CDC37L1: variants seen among roughly 807,000 people sequenced by gnomAD.
The protein encoded by CDC37L1 is cell division cycle 37 like 1, HSP90 cochaperone, also known as hsp90 co-chaperone Cdc37-like 1.
Under a neutral mutation model 45.9 loss-of-function variants are expected in CDC37L1, and 32 were observed. The ratio of observed to expected loss-of-function variants is 0.70; its 90% confidence interval spans 0.53 to 0.94. CDC37L1 has a LOEUF of 0.94. Ranked by LOEUF, CDC37L1 falls within the 40% of genes least tolerant of loss-of-function variation. CDC37L1 has a pLI of 0.00. For synonymous variants in CDC37L1, 150 were observed against 133.0 expected, an observed-to-expected ratio of 1.13 and a Z score of -0.88; for missense variants, 434 against 405.7, an observed-to-expected ratio of 1.07 and a Z score of -0.60.
At chr9:4,684,599 C>T (rs1382373991) in intron 1 of CDC37L1, among the ~76,000 whole-genome samples, 3 of 152,144 alleles carry the variant, frequency 2.0e-5, no homozygotes, top group South Asian at 2.1e-4. Flanking sequence ...ATTAATTAAA[C>T]GTTTGTTAAG....
At chr9:4,685,181 A>C in intron 2 of CDC37L1, 23 bp downstream of exon 2, 1 of 1,587,946 alleles carries the variant, frequency 6.3e-7, no homozygotes, top group South Asian at 1.1e-5. Context: ...ACTGGGCCAT[A>C]ATGAAAGAAG....
In CDC37L1 at chr9:4,708,365, AATT is replaced by A. The variant is rs1841467744; in HGVS notation, c.*2255_*2257del. ...CAAAGATTCTTGTTTCATTTGATAAAATTAATATTTGAATAAAAAAATTTTTAA... is the reference window on the plus strand; with the variant it reads ...CAAAGATTCTTGTTTCATTTGATAAAAATATTTGAATAAAAAAATTTTTAA... On this transcript the variant is annotated 3_prime_UTR_variant, in exon 7 of 7. Transcript: ENST00000381854. 6.6e-6 allele frequency: 1 copy of A among 151,994 alleles called. No homozygotes were observed. The highest frequency in any genetic ancestry group is 3.2e-3 in the Middle Eastern group (1 of 316). 9.4% of individuals were successfully genotyped at this position (151,994 alleles called of 1,614,324 possible). A position where few individuals can be genotyped will look rare whatever the true frequency, so the allele number is the denominator to read the frequency against.
intron 6 of CDC37L1, among the ~76,000 whole-genome samples, chr9:4,702,275 G>C (rs1841406163): frequency 6.6e-6 from 1 of 152,062 alleles, no homozygotes; most frequent in Non-Finnish European, 1.5e-5. Context: ...CCATTCTTAA[G>C]AACAAATCTT....
At position 4,701,975 on chromosome 9, in the gene CDC37L1, C is replaced by T. The variant is rs749167234; in HGVS notation, c.859C>T (p.His287Tyr). The change falls in exon 6 of 7, where the codon CAT becomes TAT. Residue 287 changes from histidine to tyrosine, a missense_variant. Coordinates refer to ENST00000381854, the MANE Select transcript of CDC37L1 (RefSeq NM_017913.4). ...QSFQPMTVQN[H>Y]VPHSGVGSIG... ...TTTTCAACCTATGACAGTTCAGAAT[C>T]ATGTTCCCCATTCTGGTGTTGGATC... 1.9e-6 allele frequency: 3 copies of T among 1,546,478 alleles called. No individual in the cohort carries two copies. Among genetic ancestry groups the T allele is most frequent in the South Asian group, 1.2e-5 (1 of 81,162 alleles).
At chr9:4,696,486 A>G (rs982384460) in intron 3 of CDC37L1, among the ~76,000 whole-genome samples, 5 of 45,350 alleles carry the variant, frequency 1.1e-4, no homozygotes, top group Non-Finnish European at 1.8e-4. Context: ...CTTTATGGAG[A>G]AAAAAAAGAA....
intron 3 of CDC37L1, among the ~76,000 whole-genome samples, chr9:4,696,485 GA>G (rs33986337): frequency 0.49 from 74,022 of 150,744 alleles, 20,990 homozygotes; most frequent in African/African-American, 0.78. Context: ...TCTTTATGGA[GA>G]AAAAAAAGAA....
chr9:4,695,767 G>C (rs931449115), intron 3 of CDC37L1, among the ~76,000 whole-genome samples: 1 of 152,136 alleles, frequency 6.6e-6, no homozygotes, highest in African/African-American at 2.4e-5. Context: ...AAAGTGCTGA[G>C]ATTACAAGCA....
intron 3 of CDC37L1, among the ~76,000 whole-genome samples, chr9:4,694,743 C>G (rs1467230555): frequency 6.6e-6 from 1 of 151,944 alleles, no homozygotes; most frequent in Non-Finnish European, 1.5e-5. Context: ...TGGTGACACA[C>G]GCCTGTAATC....
At chr9:4,690,311 C>T (rs546693383) in intron 3 of CDC37L1, among the ~76,000 whole-genome samples, 2 of 152,204 alleles carry the variant, frequency 1.3e-5, no homozygotes, top group East Asian at 1.9e-4. Context: ...AGAGTGGGCT[C>T]GTTCAAGTGA....
intron 3 of CDC37L1, among the ~76,000 whole-genome samples, chr9:4,692,845 A>G (rs571709397): frequency 3.1e-4 from 47 of 152,326 alleles, no homozygotes; most frequent in African/African-American, 7.5e-4. Flanking sequence ...TTGGTGGTCA[A>G]TTTGATGTGG....
Position 4,679,666 on chromosome 9 carries a change from G to T in CDC37L1, c.-102G>T, listed in dbSNP as rs1480504223. On this transcript the variant is annotated 5_prime_UTR_variant, in exon 1 of 7. Transcript: ENST00000381854. Reference sequence around the variant, plus strand: ...TTCTGGGTAACGGCCCGGACCCCCGGCTGGGCTTCTGGCTCGGCGCAGCAG... The same window carrying T: ...TTCTGGGTAACGGCCCGGACCCCCGTCTGGGCTTCTGGCTCGGCGCAGCAG... The T allele has an allele frequency of 1.8e-6, 2 of 1,131,442 alleles. No individual in the cohort carries two copies. Among genetic ancestry groups the T allele is most frequent in the East Asian group, 5.5e-5 (2 of 36,410 alleles). 70.1% of individuals were successfully genotyped at this position (1,131,442 alleles called of 1,614,324 possible).
chr9:4,683,288 G>T (rs779842339), intron 1 of CDC37L1, among the ~76,000 whole-genome samples: 12 of 151,616 alleles, frequency 7.9e-5, no homozygotes, highest in Non-Finnish European at 1.3e-4. Flanking sequence ...CAGCTAAGAG[G>T]TAGGGTCCTT....
At chr9:4,693,869 A>G (rs1406732850) in intron 3 of CDC37L1, among the ~76,000 whole-genome samples, 3 of 152,164 alleles carry the variant, frequency 2.0e-5, no homozygotes, top group Admixed American at 6.5e-5. Context: ...TTTTAGCCCT[A>G]TTTTACAGAG....
At chr9:4,681,918 C>T (rs1278930275) in intron 1 of CDC37L1, among the ~76,000 whole-genome samples, 4 of 152,102 alleles carry the variant, frequency 2.6e-5, no homozygotes, top group African/African-American at 9.7e-5. Flanking sequence ...CCCTCTAAAA[C>T]TTCTGTATGG....
At chr9:4,702,487 A>G (rs1269280260) in intron 6 of CDC37L1, among the ~76,000 whole-genome samples, 1 of 152,234 alleles carries the variant, frequency 6.6e-6, no homozygotes, top group Non-Finnish European at 1.5e-5. Flanking sequence ...TCTACCAGAT[A>G]TAACATTTTT....
At chr9:4,697,693 G>T (rs1398754148) in intron 4 of CDC37L1, 64 bp from the exon 5 acceptor site, 2 of 780,140 alleles carry the variant, frequency 2.6e-6, no homozygotes, top group South Asian at 3.7e-5. Flanking sequence ...TTCAAAATTT[G>T]AATCAGTATG....
intron 5 of CDC37L1, among the ~76,000 whole-genome samples, chr9:4,700,335 A>G (rs1181861729): frequency 2.0e-5 from 3 of 152,022 alleles, no homozygotes; most frequent in Admixed American, 1.3e-4. Flanking sequence ...TTTTGTAGAG[A>G]CACGGTCTCA....
At chr9:4,696,092 C>T (rs911342166) in intron 3 of CDC37L1, among the ~76,000 whole-genome samples, 3 of 152,088 alleles carry the variant, frequency 2.0e-5, no homozygotes, top group Non-Finnish European at 4.4e-5. Flanking sequence ...GGCCCCACCC[C>T]CTTTTTTTAA....
intron 3 of CDC37L1, among the ~76,000 whole-genome samples, chr9:4,694,415 C>A (rs1222196135): frequency 6.6e-6 from 1 of 152,126 alleles, no homozygotes; most frequent in Non-Finnish European, 1.5e-5. Context: ...CACACTCTTT[C>A]CACAAAGGTC....
Sources: allele counts gnomAD v4.1 joint callset (sites outside exome capture counted in the v4.1 genomes callset), GRCh38; gene constraint gnomAD v4.1.1; transcripts MANE v1.5; gene names NCBI Gene and HGNC (gene_info 2026-07-23, HGNC 2026-07-21).